The following SRF variants were observed in gnomAD, a reference collection of about 807,000 sequenced individuals.
SRF encodes the protein serum response factor, also known as c-fos serum response element-binding transcription factor.
Under a neutral mutation model 37.1 loss-of-function variants are expected in SRF, and 7 were observed. That is an observed-to-expected ratio of 0.19 (90% CI 0.11 to 0.35). The LOEUF is 0.35. Ranked by LOEUF, SRF falls within the 10% of genes least tolerant of loss-of-function variation. The pLI, the probability that SRF is intolerant of heterozygous loss-of-function variation, is 1.00. For missense variants in SRF, 395 were observed against 694.4 expected, an observed-to-expected ratio of 0.57 and a Z score of 4.85; for synonymous variants, 285 against 310.1, an observed-to-expected ratio of 0.92 and a Z score of 0.85.
rs930370528 is a variant in SRF, at chr6:43,172,525, G to C, written c.513+356G>C. 4 of 934,826 alleles carry C rather than the reference G, an allele frequency of 4.3e-6. No individual in the cohort carries two copies. In the Admixed American group the frequency reaches 2.5e-4, roughly 58 times the overall value. The allele number at this position is 934,826 out of a possible 1,614,324, so 57.9% of individuals were successfully genotyped here. On this transcript the variant is annotated intron_variant, in intron 1 of 6. Transcript: ENST00000265354. This position sits in a 1 kb window ranked among gnomAD's most constrained non-coding sequence, Gnocchi z 5.7. The stretch of plus-strand genomic sequence containing the variant: ...TGAGAACCCGGGATCAGTAGGTCCA[G>C]TGCACTCCGGTGTTCGGACGAGGGC...
Position 43,172,082 on chromosome 6 carries a change from C to G in SRF, c.426C>G (p.Gly142=). ...CCAAGCCGGGTAAGAAGACCCGGGG[C>G]CGCGTGAAGATCAAGATGGAGTTCA... ...SGAKPGKKTR[G]RVKIKMEFID... is the part of the protein sequence containing the mutation. The change falls in exon 1 of 7, where the codon GGC becomes GGG. Residue 142 remains glycine, a synonymous_variant. Coordinates refer to ENST00000265354, the MANE Select transcript of SRF (RefSeq NM_003131.4). The surrounding 1 kb of genome is among the most constrained non-coding windows in gnomAD (Gnocchi z 5.7). 1 of 1,611,608 alleles carries G rather than the reference C, an allele frequency of 6.2e-7. No individual in the cohort carries two copies.
rs991732653 is a variant in SRF, at chr6:43,173,113, G to T, written c.514-734G>T. Among the ~76,000 whole-genome samples, 3 of 152,118 alleles carry T rather than the reference G, an allele frequency of 2.0e-5. No homozygotes were observed. Among genetic ancestry groups the T allele is most frequent in the Non-Finnish European group, 2.9e-5 (2 of 68,016 alleles). On this transcript the variant is annotated intron_variant, in intron 1 of 6. Transcript: ENST00000265354. This position sits in a 1 kb window ranked among gnomAD's most constrained non-coding sequence, Gnocchi z 4.2. ...TGGTTTGCAGAACTTTGTTGGGAGA[G>T]TATGGCATCTATGGGGCCATCCTTG...
chr6:43,173,705 AC>A lies in SRF; in HGVS notation c.514-139del. ...CTGCTTCCAGAGATCCTGATAGGAC[AC>A]CCTGCCCTCAGAGTCATTAGAGACG... On this transcript the variant is annotated intron_variant, in intron 1 of 6. Transcript: ENST00000265354. The surrounding 1 kb of genome is among the most constrained non-coding windows in gnomAD (Gnocchi z 4.2). 1 of 1,129,786 alleles carries A rather than the reference AC, an allele frequency of 8.9e-7. No homozygotes were observed. The highest frequency in any genetic ancestry group is 1.2e-6 in the Non-Finnish European group (1 of 813,592). 70.0% of individuals were successfully genotyped at this position (1,129,786 alleles called of 1,614,324 possible). A position where few individuals can be genotyped will look rare whatever the true frequency, so the allele number is the denominator to read the frequency against.
Position 43,171,865 on chromosome 6 carries a change from C to T in SRF, c.209C>T (p.Pro70Leu). The change falls in exon 1 of 7, where the codon CCC becomes CTC. Residue 70 changes from proline (P) to leucine (L), a missense_variant. Pro to Leu is a moderately conservative substitution (Grantham distance 98). Transcript: ENST00000265354. This position sits in a 1 kb window ranked among gnomAD's most constrained non-coding sequence, Gnocchi z 6.5. The stretch of plus-strand genomic sequence containing the variant: ...GCAGCGGCGGCAACCACCCCGGCGC[C>T]CACCGCGGGGGCCCTCTACAGCGGC... ...AAAAAATTPAPTAGALYSGSE... is the reference protein window; with the variant it reads ...AAAAAATTPALTAGALYSGSE... The T allele has an allele frequency of 7.6e-7, 1 of 1,311,224 alleles. No individual in the cohort carries two copies. Among genetic ancestry groups the T allele is most frequent in the Non-Finnish European group, 9.7e-7 (1 of 1,032,258 alleles). The allele number at this position is 1,311,224 out of a possible 1,614,324, so 81.2% of individuals were successfully genotyped here.
At position 43,178,836 on chromosome 6, in the gene SRF, C is replaced by T; in HGVS notation, c.1385C>T (p.Ser462Leu). The change falls in exon 6 of 7, where the codon TCA becomes TTA. Residue 462 changes from serine (S) to leucine (L), a missense_variant. Physicochemically the swap from Ser to Leu is moderately radical, Grantham distance 145. Transcript: ENST00000265354. This position sits in a 1 kb window ranked among gnomAD's most constrained non-coding sequence, Gnocchi z 4.3. ...GGVPQVFLTA[S>L]SGTVQIPVSA... Reference sequence around the variant, plus strand: ...GTCCCCCAGGTGTTCCTGACAGCATCATCTGGGACAGTGCAGATCCCTGTT... The same window carrying T: ...GTCCCCCAGGTGTTCCTGACAGCATTATCTGGGACAGTGCAGATCCCTGTT... 1 of 1,614,246 alleles carries T rather than the reference C, an allele frequency of 6.2e-7. No homozygotes were observed. Among genetic ancestry groups the T allele is most frequent in the Non-Finnish European group, 8.5e-7 (1 of 1,180,050 alleles).
At position 43,178,636 on chromosome 6, in the gene SRF, A is replaced by T; in HGVS notation, c.1354+151A>T. 2 of 1,292,384 alleles carry T rather than the reference A, an allele frequency of 1.5e-6. No individual in the cohort carries two copies. Among genetic ancestry groups the T allele is most frequent in the Non-Finnish European group, 1.1e-6 (1 of 916,096 alleles). The allele number at this position is 1,292,384 out of a possible 1,614,324, so 80.1% of individuals were successfully genotyped here. A position where few individuals can be genotyped will look rare whatever the true frequency, so the allele number is the denominator to read the frequency against. ...TGGATGCTCACACACACATTTGGACACCCCACTTGGACACTCACACCCGCA... is the reference window on the plus strand; with the variant it reads ...TGGATGCTCACACACACATTTGGACTCCCCACTTGGACACTCACACCCGCA... On this transcript the variant is annotated intron_variant, in intron 5 of 6. Transcript: ENST00000265354. The surrounding 1 kb of genome is among the most constrained non-coding windows in gnomAD (Gnocchi z 4.3).
intron 2 of SRF, among the ~76,000 whole-genome samples, chr6:43,174,830 C>T (rs1170364923): frequency 1.3e-5 from 2 of 152,220 alleles, no homozygotes; most frequent in African/African-American, 4.8e-5. Context: ...ACCCCGCAGC[C>T]TTTGAGCCTC....
chr6:43,179,081 C>G lies in SRF; in HGVS notation c.1432-14C>G. 1 of 1,613,796 alleles carries G rather than the reference C, an allele frequency of 6.2e-7. No homozygotes were observed. On this transcript the variant is annotated splice_polypyrimidine_tract_variant and intron_variant, in intron 6 of 6. Transcript: ENST00000265354. The surrounding 1 kb of genome is among the most constrained non-coding windows in gnomAD (Gnocchi z 5.3). ...CCAGTCCCTGCCCCTCCTCATACAT[C>G]CCCTTCCCTCCAGATGGCTGTGATA...
Position 43,178,343 on chromosome 6 carries a change from T to C in SRF, c.1212T>C (p.Gly404=). ...IMTSSVPTTV[G]GHMMYPSPHA... The stretch of plus-strand genomic sequence containing the variant: ...CGTCATCCGTGCCCACAACTGTGGG[T>C]GGCCACATGATGTACCCTAGCCCGC... Residue 404 remains glycine, a synonymous_variant, in exon 5 of 7, where the codon GGT becomes GGC. Coordinates refer to ENST00000265354, the MANE Select transcript of SRF (RefSeq NM_003131.4). This position sits in a 1 kb window ranked among gnomAD's most constrained non-coding sequence, Gnocchi z 4.3. 6.2e-7 allele frequency: 1 copy of C among 1,611,724 alleles called. No individual in the cohort carries two copies. Among genetic ancestry groups the C allele is most frequent in the Non-Finnish European group, 8.5e-7 (1 of 1,178,638 alleles).
At position 43,171,869 on chromosome 6, in the gene SRF, C is replaced by T. The variant is rs1281752398; in HGVS notation, c.213C>T (p.Thr71=). 3 of 1,328,174 alleles carry T rather than the reference C, an allele frequency of 2.3e-6. No individual in the cohort carries two copies. The highest frequency in any genetic ancestry group is 2.9e-6 in the Non-Finnish European group (3 of 1,041,704). The allele number at this position is 1,328,174 out of a possible 1,614,324, so 82.3% of individuals were successfully genotyped here. ...AAAAATTPAP[T]AGALYSGSEG... is the part of the protein sequence containing the mutation. ...CGGCGGCAACCACCCCGGCGCCCAC[C>T]GCGGGGGCCCTCTACAGCGGCAGCG... Residue 71 remains threonine (T), a synonymous_variant, in exon 1 of 7, where the codon ACC becomes ACT. Coordinates refer to ENST00000265354, the MANE Select transcript of SRF (RefSeq NM_003131.4). This position sits in a 1 kb window ranked among gnomAD's most constrained non-coding sequence, Gnocchi z 6.5.
chr6:43,176,708 C>T lies in SRF; in HGVS notation c.1162+41C>T. ...CTGTCACCCTCCCTCCCTGCCTTCC[C>T]CCACGAGGCCTAGCAGTAGGTGCCC... On this transcript the variant is annotated intron_variant, in intron 4 of 6. Transcript: ENST00000265354. This position sits in a 1 kb window ranked among gnomAD's most constrained non-coding sequence, Gnocchi z 4.0. The T allele has an allele frequency of 6.2e-7, 1 of 1,601,164 alleles. No individual in the cohort carries two copies. The highest frequency in any genetic ancestry group is 8.5e-7 in the Non-Finnish European group (1 of 1,170,970).
rs1772147792 is a variant in SRF at position 43,173,707 on chromosome 6, C to T, written c.514-140C>T. ...GCTTCCAGAGATCCTGATAGGACAC[C>T]CTGCCCTCAGAGTCATTAGAGACGA... On this transcript the variant is annotated intron_variant, in intron 1 of 6. Coordinates refer to ENST00000265354, the MANE Select transcript of SRF (RefSeq NM_003131.4). The surrounding 1 kb of genome is among the most constrained non-coding windows in gnomAD (Gnocchi z 4.2). 2 of 1,158,244 alleles carry T rather than the reference C, an allele frequency of 1.7e-6. No individual in the cohort carries two copies. The highest frequency in any genetic ancestry group is 1.6e-5 in the African/African-American group (1 of 64,400). The allele number at this position is 1,158,244 out of a possible 1,614,324, so 71.7% of individuals were successfully genotyped here. A position where few individuals can be genotyped will look rare whatever the true frequency, so the allele number is the denominator to read the frequency against.
chr6:43,178,991 A>C lies in SRF; in HGVS notation c.1432-104A>C. 1 of 1,568,720 alleles carries C rather than the reference A, an allele frequency of 6.4e-7. No individual in the cohort carries two copies. Among genetic ancestry groups the C allele is most frequent in the East Asian group, 2.2e-5 (1 of 44,614 alleles). On this transcript the variant is annotated intron_variant, in intron 6 of 6. Transcript: ENST00000265354. This position sits in a 1 kb window ranked among gnomAD's most constrained non-coding sequence, Gnocchi z 4.3. The stretch of plus-strand genomic sequence containing the variant: ...GCCAAAATCCCTAGCCTGGAAGCCC[A>C]TCTGCTTTTCTGCTCAGGCCTGTGG...
rs1772197252 is a variant in SRF, at chr6:43,176,315, TGAAGA to T, written c.1043-232_1043-228del. Among the ~76,000 whole-genome samples the T allele has an allele frequency of 6.6e-6, 1 of 152,060 alleles. No individual in the cohort carries two copies. Among genetic ancestry groups the T allele is most frequent in the African/African-American group, 2.4e-5 (1 of 41,392 alleles). ...GGTTATTGCCAGCTCTTGGGTCAACTGAAGAAAAGAGAGACAAGGCCCAGGGCAGG... is the reference window on the plus strand; with the variant it reads ...GGTTATTGCCAGCTCTTGGGTCAACTAAAGAGAGACAAGGCCCAGGGCAGG... On this transcript the variant is annotated intron_variant, in intron 3 of 6. Coordinates refer to ENST00000265354, the MANE Select transcript of SRF (RefSeq NM_003131.4). This position sits in a 1 kb window ranked among gnomAD's most constrained non-coding sequence, Gnocchi z 4.0.
Position 43,180,134 on chromosome 6 carries a change from G to A in SRF, c.*944G>A, listed in dbSNP as rs976124754. 4.6e-5 allele frequency: 7 copies of A among 152,236 alleles called. No individual in the cohort carries two copies. The highest frequency in any genetic ancestry group is 1.7e-4 in the African/African-American group (7 of 41,432). 9.4% of individuals were successfully genotyped at this position (152,236 alleles called of 1,614,324 possible). ...TTGCCCAGTCCTGGGTTGTTTCCAG[G>A]AGAAAGCCGGGGGAGGGGCCCTCAG... On this transcript the variant is annotated 3_prime_UTR_variant, in exon 7 of 7. Transcript: ENST00000265354.
rs996983392 is a variant in SRF, at chr6:43,181,028, G to A, written c.*1838G>A. On this transcript the variant is annotated 3_prime_UTR_variant, in exon 7 of 7. Transcript: ENST00000265354. ...GCAAATCAGGGGCCAGAGAGCAGGGGAGCTTGGGACTCAGGTCTGTAACTG... is the reference window on the plus strand; with the variant it reads ...GCAAATCAGGGGCCAGAGAGCAGGGAAGCTTGGGACTCAGGTCTGTAACTG... The A allele has an allele frequency of 6.6e-6, 1 of 152,602 alleles. No individual in the cohort carries two copies. The highest frequency in any genetic ancestry group is 2.4e-5 in the African/African-American group (1 of 41,400). 9.5% of individuals were successfully genotyped at this position (152,602 alleles called of 1,614,324 possible). A position where few individuals can be genotyped will look rare whatever the true frequency, so the allele number is the denominator to read the frequency against.
chr6:43,175,909 C>T lies in SRF; in HGVS notation c.984C>T (p.Ser328=), dbSNP rs777584646. 48 of 1,614,044 alleles carry T rather than the reference C, an allele frequency of 3.0e-5. No homozygotes were observed. Among genetic ancestry groups the T allele is most frequent in the African/African-American group, 1.3e-4 (10 of 74,930 alleles). Reference sequence around the variant, plus strand: ...GGACTGTGCTGAAGAGTACAGGCAGCGGCCCTGTCTCCTCTGGGGGCCTTA... The same window carrying T: ...GGACTGTGCTGAAGAGTACAGGCAGTGGCCCTGTCTCCTCTGGGGGCCTTA... ...ANGTVLKSTG[S]GPVSSGGLMQ... Residue 328 remains serine, a synonymous_variant, in exon 3 of 7, where the codon AGC becomes AGT. Transcript: ENST00000265354.
In SRF at chr6:43,178,156, T is replaced by G; in HGVS notation, c.1163-138T>G. ...AAAATAGGCTTTTCTTAGTTGATGA[T>G]GGAGCTGAGGAATAGTCGTGTCTAG... On this transcript the variant is annotated intron_variant, in intron 4 of 6. Transcript: ENST00000265354. The surrounding 1 kb of genome is among the most constrained non-coding windows in gnomAD (Gnocchi z 4.3). 1 of 770,746 alleles carries G rather than the reference T, an allele frequency of 1.3e-6. No individual in the cohort carries two copies. Among genetic ancestry groups the G allele is most frequent in the Non-Finnish European group, 2.0e-6 (1 of 506,986 alleles). The allele number at this position is 770,746 out of a possible 1,614,324, so 47.7% of individuals were successfully genotyped here. A position where few individuals can be genotyped will look rare whatever the true frequency, so the allele number is the denominator to read the frequency against.
At position 43,179,762 on chromosome 6, in the gene SRF, G is replaced by A. The variant is rs1772273386; in HGVS notation, c.*572G>A. The A allele has an allele frequency of 6.4e-6, 1 of 155,538 alleles. No individual in the cohort carries two copies. The highest frequency in any genetic ancestry group is 1.9e-4 in the East Asian group (1 of 5,206). 9.6% of individuals were successfully genotyped at this position (155,538 alleles called of 1,614,324 possible). A position where few individuals can be genotyped will look rare whatever the true frequency, so the allele number is the denominator to read the frequency against. On this transcript the variant is annotated 3_prime_UTR_variant, in exon 7 of 7. Coordinates refer to ENST00000265354, the MANE Select transcript of SRF (RefSeq NM_003131.4). The surrounding 1 kb of genome is among the most constrained non-coding windows in gnomAD (Gnocchi z 5.3). ...GGCCTGTGCACTGGGCAGGTTCCTGGGGCCGCCTGCCCTGCCTTGCCGCTC... is the reference window on the plus strand; with the variant it reads ...GGCCTGTGCACTGGGCAGGTTCCTGAGGCCGCCTGCCCTGCCTTGCCGCTC...
Sources: gnomAD v4.1 joint callset for allele counts (sites outside exome capture counted in the v4.1 genomes callset) on GRCh38, gnomAD v4.1.1 for gene constraint, Gnocchi (gnomAD v3.1) non-coding constraint, MANE v1.5 for transcripts, NCBI Gene and HGNC (gene_info 2026-07-23, HGNC 2026-07-21) for gene names.